Variants in RNF130 observed in about 807,000 individuals in gnomAD.
RNF130 encodes E3 ubiquitin-protein ligase RNF130.
Under a neutral mutation model 44.6 loss-of-function variants are expected in RNF130, and 21 were observed. The ratio of observed to expected loss-of-function variants is 0.47; its 90% CI spans 0.33 to 0.68. The LOEUF (loss-of-function observed/expected upper bound fraction) is 0.68. RNF130 is among the 30% of genes least tolerant of loss of function. The pLI is 0.02. For missense variants in RNF130, 479 were observed against 560.6 expected (o/e 0.85, Z 1.47); for synonymous variants, 214 against 210.4 (o/e 1.02, Z -0.15).
chr5:179,918,488 C>A (rs909629097), exon 8 of RNF130: 3 of 152,160 alleles, frequency 2.0e-5, no homozygotes, highest in Non-Finnish European at 4.4e-5. Context: ...AGCTCTCCTA[C>A]CTTTCAGGTG....
downstream of RNF130, among the ~76,000 whole-genome samples, chr5:179,952,772 T>C (rs1762145988): frequency 6.6e-6 from 1 of 152,274 alleles, no homozygotes; most frequent in Non-Finnish European, 1.5e-5. Flanking sequence ...ACACAAAGCT[T>C]CCGACAGAAT....
chr5:179,964,949 T>C (rs1762408412), intron 7 of RNF130, among the ~76,000 whole-genome samples: 1 of 152,204 alleles, frequency 6.6e-6, no homozygotes, highest in African/African-American at 2.4e-5. Flanking sequence ...TGTTTTAAGT[T>C]AGGGAAAATG....
intron 7 of RNF130, among the ~76,000 whole-genome samples, chr5:179,932,881 C>T (rs1251490567): frequency 6.6e-6 from 1 of 152,184 alleles, no homozygotes; most frequent in South Asian, 2.1e-4. Context: ...AAGAAATTAA[C>T]CTGTAATTTT....
chr5:179,963,614 C>A (rs778209448), intron 7 of RNF130, 50 bp from the exon 8 acceptor site: 1 of 1,260,666 alleles, frequency 7.9e-7, no homozygotes, highest in South Asian at 1.2e-5. Context: ...AGGTTTAAGT[C>A]AAATCGATGC....
At chr5:179,948,127 G>A (rs1389657768) in intron 7 of RNF130, among the ~76,000 whole-genome samples, 1 of 152,088 alleles carries the variant, frequency 6.6e-6, no homozygotes, top group East Asian at 1.9e-4. Context: ...AGTGAACTTG[G>A]GCAAGAAACT....
intron 3 of RNF130, 127 bp downstream of exon 3, chr5:180,012,934 T>C: frequency 9.2e-7 from 1 of 1,091,706 alleles, no homozygotes; most frequent in South Asian, 1.6e-5. Flanking sequence ...TCCAACATAT[T>C]AAAATGACTG....
intron 1 of RNF130, among the ~76,000 whole-genome samples, chr5:180,064,610 T>C (rs968776870): frequency 6.6e-6 from 1 of 152,236 alleles, no homozygotes; most frequent in African/African-American, 2.4e-5. Flanking sequence ...CCCAATTTTA[T>C]TGTTATGTTC....
At chr5:179,976,991 ATGCTG>A (rs1223299577) in intron 5 of RNF130, 1 of 152,212 alleles carries the variant, frequency 6.6e-6, no homozygotes, top group Non-Finnish European at 1.5e-5. Context: ...AGAAACCAAC[ATGCTG>A]TTTCCAGGGC....
At chr5:179,946,470 G>A (rs1762038975) in intron 7 of RNF130, among the ~76,000 whole-genome samples, 2 of 152,066 alleles carry the variant, frequency 1.3e-5, no homozygotes, top group South Asian at 4.2e-4. Flanking sequence ...AGAAACAAGA[G>A]TAAAGAAAGT....
At chr5:180,036,914 C>T (rs1283426625) in intron 2 of RNF130, among the ~76,000 whole-genome samples, 2 of 152,168 alleles carry the variant, frequency 1.3e-5, no homozygotes, top group Non-Finnish European at 2.9e-5. Flanking sequence ...TCTCCAGAGA[C>T]AACCATTACC....
chr5:179,916,875 C>T lies in RNF130; in HGVS notation c.*3442G>A, dbSNP rs564832678. ...CTGGATTAACAGGAAAGAGGGGTTA[C>T]TCCTCCCTTAGGATGTTAAAAGTCA... On this transcript the variant is annotated 3_prime_UTR_variant, in exon 8 of 8. Coordinates refer to the RNF130 transcript ENST00000522208. 351 of 152,482 alleles carry T rather than the reference C, an allele frequency of 2.3e-3. 5 individuals carry two copies. Among genetic ancestry groups the T allele is most frequent in the African/African-American group, 7.9e-3 (327 of 41,584 alleles). The allele number at this position is 152,482 out of a possible 1,614,324, so 9.4% of individuals were successfully genotyped here.
intron 2 of RNF130, among the ~76,000 whole-genome samples, chr5:180,038,393 A>G (rs1243326275): frequency 1.5e-4 from 15 of 102,692 alleles, no homozygotes; most frequent in Admixed American, 4.4e-4. Context: ...GGAGGGGGAA[A>G]AAAAAAAAGC....
At chr5:180,029,691 T>C (rs1315088044) in intron 2 of RNF130, among the ~76,000 whole-genome samples, 2 of 152,112 alleles carry the variant, frequency 1.3e-5, no homozygotes, top group African/African-American at 2.4e-5. Context: ...AGGTGAGTGC[T>C]ACCACGCCCA....
chr5:179,935,824 T>C (rs1440400354), intron 7 of RNF130, among the ~76,000 whole-genome samples: 1 of 152,112 alleles, frequency 6.6e-6, no homozygotes, highest in Non-Finnish European at 1.5e-5. Context: ...GTATCCTTGA[T>C]TTATTAGAAC....
At chr5:179,964,470 G>A (rs957661096) in intron 7 of RNF130, 3 of 152,212 alleles carry the variant, frequency 2.0e-5, no homozygotes, top group Non-Finnish European at 4.4e-5. Context: ...AGTACACACT[G>A]ACTAGGGCTG....
At chr5:179,960,920 G>GA (rs1762313173) in intron 8 of RNF130, among the ~76,000 whole-genome samples, 2 of 152,066 alleles carry the variant, frequency 1.3e-5, no homozygotes, top group South Asian at 4.2e-4. Context: ...AATAGATGTT[G>GA]AAAAATTCAT....
intron 3 of RNF130, among the ~76,000 whole-genome samples, chr5:179,997,835 G>T (rs557479466): frequency 1.6e-4 from 25 of 151,710 alleles, no homozygotes; most frequent in African/African-American, 4.6e-4. Flanking sequence ...CTGACTTTGG[G>T]TTTGCTTTGT....
chr5:179,946,656 C>A (rs1762045434), intron 7 of RNF130, among the ~76,000 whole-genome samples: 3 of 151,862 alleles, frequency 2.0e-5, no homozygotes, highest in Admixed American at 6.6e-5. Flanking sequence ...CGGGTTCACG[C>A]CATTCTCCTG....
chr5:179,997,393 G>A (rs1161047756), intron 3 of RNF130, among the ~76,000 whole-genome samples: 16 of 152,084 alleles, frequency 1.1e-4, no homozygotes, highest in Admixed American at 8.5e-4. Flanking sequence ...GCGCAATCTC[G>A]GCTCACTGCA....
Sources: allele counts gnomAD v4.1 joint callset (sites outside exome capture counted in the v4.1 genomes callset), GRCh38; gene constraint gnomAD v4.1.1; transcripts MANE v1.5; gene names NCBI Gene and HGNC (gene_info 2026-07-23, HGNC 2026-07-21).